CDK14: variants seen among roughly 807,000 people sequenced by gnomAD.
The protein encoded by CDK14 is cyclin dependent kinase 14.
In CDK14, 34 loss-of-function variants were observed where a neutral mutation model predicts 60.7. The observed-to-expected ratio is 0.56, with a 90% CI of 0.43 to 0.75. The LOEUF is 0.75. Among genes scored for constraint, CDK14 ranks in the 30% least tolerant of loss-of-function variants. The pLI, the probability that CDK14 is intolerant of heterozygous loss-of-function variation, is 0.00. For synonymous variants in CDK14, 197 were observed against 203.7 expected (o/e 0.97, Z 0.28); for missense variants, 482 against 564.1 (o/e 0.85, Z 1.47).
intron 5 of CDK14, among the ~76,000 whole-genome samples, chr7:90,817,680 T>G (rs748106094): frequency 5.9e-5 from 9 of 152,224 alleles, no homozygotes; most frequent in Non-Finnish European, 1.3e-4. Flanking sequence ...TGTGTAATAT[T>G]TTTTAAAAGT....
At chr7:91,147,106 T>C (rs1309084724) in intron 14 of CDK14, among the ~76,000 whole-genome samples, 1 of 145,422 alleles carries the variant, frequency 6.9e-6, no homozygotes, top group Non-Finnish European at 1.5e-5. Context: ...ACTTTCAGGG[T>C]TCCAACAGCC....
At chr7:90,703,533 A>G (rs1446011697) in intron 2 of CDK14, among the ~76,000 whole-genome samples, 1 of 152,230 alleles carries the variant, frequency 6.6e-6, no homozygotes, top group Admixed American at 6.5e-5. Context: ...AACCATATGT[A>G]TGGTTGATAT....
At chr7:90,810,128 G>A (rs551854483) in intron 5 of CDK14, among the ~76,000 whole-genome samples, 2 of 152,250 alleles carry the variant, frequency 1.3e-5, no homozygotes, top group East Asian at 1.9e-4. Context: ...TATGAGGCCG[G>A]CATCATCCTG....
At chr7:90,806,426 C>G (rs1788837227) in intron 5 of CDK14, among the ~76,000 whole-genome samples, 1 of 151,876 alleles carries the variant, frequency 6.6e-6, no homozygotes, top group African/African-American at 2.4e-5. Context: ...ATGAAAAGAC[C>G]CCCACAATTT....
intron 5 of CDK14, among the ~76,000 whole-genome samples, chr7:90,855,304 T>A (rs368068053): frequency 5.3e-5 from 8 of 152,162 alleles, no homozygotes; most frequent in African/African-American, 1.9e-4. Context: ...GGATTAGAAG[T>A]GAAGAATATT....
chr7:90,894,014 T>A (rs1247004481), intron 6 of CDK14, among the ~76,000 whole-genome samples: 1 of 152,196 alleles, frequency 6.6e-6, no homozygotes, highest in East Asian at 1.9e-4. Context: ...TAGGGAACTT[T>A]TGACTATATG....
intron 5 of CDK14, among the ~76,000 whole-genome samples, chr7:90,791,141 A>T (rs998458955): frequency 6.6e-6 from 1 of 152,034 alleles, no homozygotes; most frequent in Non-Finnish European, 1.5e-5. Flanking sequence ...TATTAGGGTC[A>T]TTTATGTTGT....
intron 2 of CDK14, among the ~76,000 whole-genome samples, chr7:90,706,722 A>G (rs1389961512): frequency 6.6e-6 from 1 of 152,160 alleles, no homozygotes; most frequent in African/African-American, 2.4e-5. Flanking sequence ...GCAAACAGAA[A>G]CATTCCTGAG....
chr7:91,147,734 C>T (rs1401831524), intron 14 of CDK14, among the ~76,000 whole-genome samples: 1 of 151,944 alleles, frequency 6.6e-6, no homozygotes, highest in Non-Finnish European at 1.5e-5. Flanking sequence ...CAAACTCTTT[C>T]CCCCCTCCCC....
intron 3 of CDK14, 65 bp downstream of exon 3, chr7:90,726,877 C>T (rs534792084): frequency 8.8e-5 from 138 of 1,562,814 alleles, no homozygotes; most frequent in Non-Finnish European, 1.2e-4. Context: ...TGATAGCATG[C>T]GGTGCTGGAA....
intron 8 of CDK14, among the ~76,000 whole-genome samples, chr7:90,949,969 T>G (rs1375857934): frequency 1.3e-5 from 2 of 152,254 alleles, no homozygotes; most frequent in African/African-American, 4.8e-5. Flanking sequence ...GGGAGGGAGT[T>G]GGTGGGTACC....
At chr7:91,067,949 G>A (rs1311245796) in intron 11 of CDK14, among the ~76,000 whole-genome samples, 1 of 152,154 alleles carries the variant, frequency 6.6e-6, no homozygotes, top group African/African-American at 2.4e-5. Flanking sequence ...AGCTTGCTTT[G>A]CGGATAGTAC....
At chr7:90,964,276 A>G (rs1794690851) in intron 9 of CDK14, among the ~76,000 whole-genome samples, 1 of 152,154 alleles carries the variant, frequency 6.6e-6, no homozygotes. Flanking sequence ...TTTTAACACA[A>G]GTGACTCCAT....
chr7:91,076,005 GATAGGAAGAATCA>G (rs1201605992), intron 11 of CDK14, among the ~76,000 whole-genome samples: 1 of 151,730 alleles, frequency 6.6e-6, no homozygotes, highest in African/African-American at 2.4e-5. Flanking sequence ...CATGCTCGTG[GATAGGAAGAATCA>G]ATATCATGAA....
rs1314775809 is a variant in CDK14 at position 91,209,390 on chromosome 7, G to GAT, written c.*2254_*2255insAT. ...CACCCATACAGGAAATCCAAAGTTT[G>GAT]GTGTCTCTCTCTCTCTGTCTCTTTC... On this transcript the variant is annotated 3_prime_UTR_variant, in exon 15 of 15. Transcript: ENST00000380050. 2 of 27,454 alleles carry GAT rather than the reference G, an allele frequency of 7.3e-5. No homozygotes were observed. The highest frequency in any genetic ancestry group is 3.8e-4 in the Admixed American group (1 of 2,644). The allele number at this position is 27,454 out of a possible 1,614,324, so 1.7% of individuals were successfully genotyped here. A position where few individuals can be genotyped will look rare whatever the true frequency, so the allele number is the denominator to read the frequency against.
At chr7:91,193,874 G>A (rs1802450977) in intron 14 of CDK14, among the ~76,000 whole-genome samples, 1 of 152,120 alleles carries the variant, frequency 6.6e-6, no homozygotes, top group East Asian at 1.9e-4. Flanking sequence ...ACAGTTTTAT[G>A]TGGAGGTTCT....
Position 90,984,247 on chromosome 7 carries a change from T to C in CDK14, c.1041+6T>C. The C allele has an allele frequency of 6.3e-7, 1 of 1,575,376 alleles. No homozygotes were observed. Reference sequence around the variant, plus strand: ...AACTTGAACGAATATTTCTGGTAAGTCCTTTACAGAGTATTTCTAAGAAAA... The same window carrying C: ...AACTTGAACGAATATTTCTGGTAAGCCCTTTACAGAGTATTTCTAAGAAAA... On this transcript the variant is annotated splice_donor_region_variant and intron_variant, in intron 10 of 14. Coordinates refer to ENST00000380050, the MANE Select transcript of CDK14 (RefSeq NM_001287135.2).
At chr7:90,683,234 A>G (rs1420915925) in intron 2 of CDK14, among the ~76,000 whole-genome samples, 1 of 151,830 alleles carries the variant, frequency 6.6e-6, no homozygotes, top group Non-Finnish European at 1.5e-5. Flanking sequence ...TTCTTTATTC[A>G]TTTATTTCTG....
intron 9 of CDK14, among the ~76,000 whole-genome samples, chr7:90,978,133 G>A (rs577837460): frequency 2.7e-4 from 41 of 152,260 alleles, no homozygotes; most frequent in African/African-American, 8.9e-4. Flanking sequence ...ACAACAATCC[G>A]TGCAGAGATC....
Sources: allele counts gnomAD v4.1 joint callset (sites outside exome capture counted in the v4.1 genomes callset), GRCh38; gene constraint gnomAD v4.1.1; transcripts MANE v1.5; gene names NCBI Gene and HGNC (gene_info 2026-07-23, HGNC 2026-07-21).